The following RPL14 variants were observed in gnomAD, a reference collection of about 807,000 sequenced individuals.
The protein encoded by RPL14 is large ribosomal subunit protein eL14.
A neutral mutation model predicts 25.3 loss-of-function variants in RPL14; 4 were observed. The observed-to-expected ratio is 0.16, with a 90% CI of 0.08 to 0.36. The LOEUF (loss-of-function observed/expected upper bound fraction) is 0.36, where lower values mean the gene tolerates loss of function less well. Ranked by LOEUF, RPL14 falls within the 10% of genes least tolerant of loss-of-function variation. The pLI, the probability that RPL14 is intolerant of heterozygous loss-of-function variation, is 1.00. For synonymous variants in RPL14, 75 were observed against 89.8 expected (o/e 0.84, Z 0.93); for missense variants, 212 against 261.9 (o/e 0.81, Z 1.31).
chr3:40,458,600 C>A, intron 2 of RPL14, 42 bp from the exon 3 acceptor site: 1 of 1,476,416 alleles, frequency 6.8e-7, no homozygotes, highest in Non-Finnish European at 9.5e-7. Context: ...ATTTTAATTG[C>A]TGTTAGATTT....
chr3:40,461,224 TG>T (rs1363856371), intron 3 of RPL14, among the ~76,000 whole-genome samples, 182 bp from the exon 4 acceptor site: 2 of 151,732 alleles, frequency 1.3e-5, no homozygotes, highest in African/African-American at 4.8e-5. Context: ...ATTACAGTTT[TG>T]ATTAAAATAT....
At position 40,466,552 on chromosome 3, in the gene RPL14, A is replaced by G. The variant is rs1697030550; in HGVS notation, c.*4320A>G. ...AAAAAAAATGGCTGATTTCAGAGTC[A>G]TATTCAGGTTTAAATTCTGTCATTC... On this transcript the variant is annotated 3_prime_UTR_variant, in exon 6 of 6. Coordinates refer to ENST00000396203, the MANE Select transcript of RPL14 (RefSeq NM_001034996.3). 1.3e-5 allele frequency: 2 copies of G among 150,492 alleles called. No individual in the cohort carries two copies. The highest frequency in any genetic ancestry group is 2.1e-4 in the South Asian group (1 of 4,772). 9.3% of individuals were successfully genotyped at this position (150,492 alleles called of 1,614,324 possible).
rs1697050736 is a variant in RPL14 at position 40,467,826 on chromosome 3, T to TGG, written c.*5594_*5595insGG. 1 of 150,716 alleles carries TGG rather than the reference T, an allele frequency of 6.6e-6. No individual in the cohort carries two copies. The highest frequency in any genetic ancestry group is 1.5e-5 in the Non-Finnish European group (1 of 67,576). The allele number at this position is 150,716 out of a possible 1,614,324, so 9.3% of individuals were successfully genotyped here. ...TTTTGTTTTTTGTGTGTGTGTGTTTTTTTTTTTTTTGAGACGAGGTCTTGC... is the reference window on the plus strand; with the variant it reads ...TTTTGTTTTTTGTGTGTGTGTGTTTTGGTTTTTTTTTTGAGACGAGGTCTTGC... On this transcript the variant is annotated 3_prime_UTR_variant, in exon 6 of 6. Transcript: ENST00000396203.
Position 40,461,483 on chromosome 3 carries a change from A to G in RPL14, c.277A>G (p.Lys93Glu). Residue 93 changes from lysine (K) to glutamate (E), a missense_variant, in exon 4 of 6, where the codon AAG (lysine) becomes GAG (glutamate). Physicochemically the swap from Lys to Glu is moderately conservative, Grantham distance 56. This residue lies in a region of RPL14 where 143 missense variants were observed against 180.3 expected (regional missense o/e 0.79). Transcript: ENST00000396203. ...NTKWAATRWA[K>E]KIEARERKAK... is the part of the protein sequence containing the mutation. ...AAAATGGGCAGCCACACGATGGGCC[A>G]AGAAGATTGAAGCCAGAGAAAGGGT... 1.2e-6 allele frequency: 2 copies of G among 1,614,104 alleles called. No homozygotes were observed. Among genetic ancestry groups the G allele is most frequent in the East Asian group, 2.2e-5 (1 of 44,876 alleles).
intron 3 of RPL14, chr3:40,459,192 A>G (rs1388731438): frequency 3.3e-5 from 5 of 153,340 alleles, no homozygotes; most frequent in African/African-American, 1.3e-4. Flanking sequence ...TCAAAAATAA[A>G]TAAATAAAAT....
rs35229215 is a variant in RPL14, at chr3:40,462,373, CTTTTT to C, written c.*158_*162del. ...ATAATAAACATTAAATAATCAGTTC[CTTTTT>C]TTTTTTTTTTTTTTTTGAGATGGAG... On this transcript the variant is annotated 3_prime_UTR_variant, in exon 6 of 6. Coordinates refer to ENST00000396203, the MANE Select transcript of RPL14 (RefSeq NM_001034996.3). The C allele has an allele frequency of 0.01, 3,411 of 328,494 alleles. 1 individual carries two copies. The highest frequency in any genetic ancestry group is 0.011 in the Non-Finnish European group (2,355 of 206,732). 20.3% of individuals were successfully genotyped at this position (328,494 alleles called of 1,614,324 possible). A position where few individuals can be genotyped will look rare whatever the true frequency, so the allele number is the denominator to read the frequency against.
At chr3:40,458,196 C>G (rs907938948) in intron 2 of RPL14, 2 of 593,386 alleles carry the variant, frequency 3.4e-6, no homozygotes, top group Non-Finnish European at 6.0e-6. Flanking sequence ...GCCACTTAAG[C>G]TAGAGCCAGT....
intron 1 of RPL14, 91 bp downstream of exon 1, chr3:40,457,565 G>T: frequency 2.7e-6 from 3 of 1,111,462 alleles, no homozygotes; most frequent in South Asian, 2.7e-5. Context: ...CGCGTGGAGG[G>T]CCCGGCAGGC....
At chr3:40,461,777 T>C in intron 5 of RPL14, 116 bp downstream of exon 5, 1 of 1,305,950 alleles carries the variant, frequency 7.7e-7, no homozygotes, top group South Asian at 1.5e-5. Context: ...AAAGGAGAAT[T>C]TATCTTCATT....
chr3:40,457,858 A>G (rs376541631), intron 1 of RPL14, 32 bp from the exon 2 acceptor site: 1 of 1,576,620 alleles, frequency 6.3e-7, no homozygotes, highest in African/African-American at 1.3e-5. Context: ...ATTTCTAAGT[A>G]AGTTTCACTG....
At chr3:40,460,708 A>G (rs972743608) in intron 3 of RPL14, among the ~76,000 whole-genome samples, 4 of 151,718 alleles carry the variant, frequency 2.6e-5, no homozygotes, top group Admixed American at 6.6e-5. Context: ...CAGGCTCCCA[A>G]GTAGCTGGGA....
At chr3:40,461,799 A>G (rs1234220033) in intron 5 of RPL14, 138 bp downstream of exon 5, 5 of 1,260,754 alleles carry the variant, frequency 4.0e-6, no homozygotes, top group African/African-American at 1.5e-5. Context: ...GTATTTCATG[A>G]TGTCCCTATG....
rs1044196220 is a variant in RPL14 at position 40,461,674 on chromosome 3, A to G, written c.354+13A>G. 1 of 1,594,276 alleles carries G rather than the reference A, an allele frequency of 6.3e-7. No homozygotes were observed. Among genetic ancestry groups the G allele is most frequent in the African/African-American group, 1.4e-5 (1 of 73,552 alleles). On this transcript the variant is annotated intron_variant, in intron 5 of 5. Transcript: ENST00000396203. ...GGCAAAGAAAATGGTAAGATTTAAG[A>G]TCTGTATTTTTGTGTAACTTAGCTT... is the stretch of plus-strand genomic sequence containing the variant.
intron 3 of RPL14, 85 bp from the exon 4 acceptor site, chr3:40,461,322 T>A: frequency 1.8e-6 from 2 of 1,092,092 alleles, no homozygotes; most frequent in South Asian, 2.6e-5. Flanking sequence ...ACAGGAAGAG[T>A]GCTTTTCAAG....
chr3:40,461,756 CT>C, intron 5 of RPL14, 95 bp downstream of exon 5: 1 of 1,363,780 alleles, frequency 7.3e-7, no homozygotes. Context: ...TTCTTGGAAG[CT>C]TTCTGTAAAA....
rs1160517555 is a variant in RPL14 at position 40,465,446 on chromosome 3, T to C, written c.*3214T>C. The stretch of plus-strand genomic sequence containing the variant: ...AGGGGAGAGGAGGAAGGATTGGCTT[T>C]AGAGGAAAGATGTCCTTTACGTGAG... On this transcript the variant is annotated 3_prime_UTR_variant, in exon 6 of 6. Coordinates refer to ENST00000396203, the MANE Select transcript of RPL14 (RefSeq NM_001034996.3). 1 of 152,176 alleles carries C rather than the reference T, an allele frequency of 6.6e-6. No individual in the cohort carries two copies. Among genetic ancestry groups the C allele is most frequent in the Non-Finnish European group, 1.5e-5 (1 of 68,052 alleles). The allele number at this position is 152,176 out of a possible 1,614,324, so 9.4% of individuals were successfully genotyped here. A position where few individuals can be genotyped will look rare whatever the true frequency, so the allele number is the denominator to read the frequency against.
Position 40,463,335 on chromosome 3 carries a change from A to C in RPL14, c.*1103A>C, listed in dbSNP as rs1488611865. 6.6e-6 allele frequency: 1 copy of C among 152,132 alleles called. No individual in the cohort carries two copies. Among genetic ancestry groups the C allele is most frequent in the Non-Finnish European group, 1.5e-5 (1 of 68,138 alleles). 9.4% of individuals were successfully genotyped at this position (152,132 alleles called of 1,614,324 possible). A position where few individuals can be genotyped will look rare whatever the true frequency, so the allele number is the denominator to read the frequency against. ...GGTTCTCCTGCTCAGCCTTCTGAGTAGTTGGGACTATAGGTGTGTGCCACC... is the reference window on the plus strand; with the variant it reads ...GGTTCTCCTGCTCAGCCTTCTGAGTCGTTGGGACTATAGGTGTGTGCCACC... On this transcript the variant is annotated 3_prime_UTR_variant, in exon 6 of 6. Coordinates refer to ENST00000396203, the MANE Select transcript of RPL14 (RefSeq NM_001034996.3).
At position 40,461,555 on chromosome 3, in the gene RPL14, G is replaced by A. The variant is rs769739519; in HGVS notation, c.300+49G>A. ...TTCTGGTCCTTTCTTTTTTTGGAGG[G>A]TTCAAGATAGTGTGAGAGGGATAAT... On this transcript the variant is annotated intron_variant, in intron 4 of 5. Coordinates refer to ENST00000396203, the MANE Select transcript of RPL14 (RefSeq NM_001034996.3). 1.1e-5 allele frequency: 17 copies of A among 1,606,620 alleles called. 1 individual carries two copies. In the South Asian group the frequency reaches 1.9e-4, roughly 18 times the overall value.
chr3:40,458,034 G>T (rs1340942799), intron 2 of RPL14, 43 bp downstream of exon 2: 2 of 1,470,882 alleles, frequency 1.4e-6, no homozygotes, highest in Admixed American at 3.3e-5. Context: ...GTGGACATGT[G>T]CCCTGCAGAT....
Sources: gnomAD v4.1 joint callset for allele counts (sites outside exome capture counted in the v4.1 genomes callset) on GRCh38, gnomAD v4.1.1 for gene constraint, gnomAD v4.1.1 regional missense constraint, MANE v1.5 for transcripts, NCBI Gene and HGNC (gene_info 2026-07-23, HGNC 2026-07-21) for gene names.